The following RALYL variants were observed in gnomAD, a reference collection of about 807,000 sequenced individuals.
RALYL encodes RALY RNA binding protein like, also known as RNA-binding Raly-like protein.
RALYL carries 29 observed loss-of-function variants against 35.1 expected under a neutral mutation model. The observed-to-expected ratio is 0.83, with a 90% CI of 0.61 to 1.13. RALYL has a LOEUF of 1.13. Ranked by LOEUF, RALYL falls within the 50% of genes most tolerant of loss-of-function variation. The probability of loss-of-function intolerance (pLI) is 0.00; values close to 1 mark genes in which losing one functional copy is unlikely to be tolerated. For missense variants in RALYL, 359 were observed against 360.4 expected (o/e 1.00, Z 0.03); for synonymous variants, 120 against 127.6 (o/e 0.94, Z 0.40).
At chr8:84,379,167 G>T (rs1857469562) in intron 1 of RALYL, among the ~76,000 whole-genome samples, 2 of 151,892 alleles carry the variant, frequency 1.3e-5, no homozygotes, top group South Asian at 4.1e-4. Context: ...GTCTCCAAGG[G>T]TTATAATTAT....
intron 3 of RALYL, among the ~76,000 whole-genome samples, chr8:84,795,028 A>AAACTT (rs889857348): frequency 3.9e-5 from 6 of 152,204 alleles, no homozygotes; most frequent in African/African-American, 1.4e-4. Context: ...ACTGCAAATG[A>AAACTT]AACTTACCAA....
intron 1 of RALYL, among the ~76,000 whole-genome samples, chr8:84,511,411 T>C (rs2057608397): frequency 6.6e-6 from 1 of 152,202 alleles, no homozygotes; most frequent in Non-Finnish European, 1.5e-5. Context: ...GTTAGAATTC[T>C]CTTATTTTTT....
chr8:84,621,558 G>A (rs7460323), intron 2 of RALYL, among the ~76,000 whole-genome samples: 10 of 151,944 alleles, frequency 6.6e-5, no homozygotes, highest in Admixed American at 1.3e-4. Flanking sequence ...ACCTGTCTTC[G>A]GCGTCGCTCA....
intron 1 of RALYL, among the ~76,000 whole-genome samples, chr8:84,377,451 G>GTTTTTTTT (rs369746268): frequency 1.1e-4 from 9 of 83,722 alleles, no homozygotes; most frequent in Admixed American, 1.4e-4. Flanking sequence ...AAGGTTAACT[G>GTTTTTTTT]TTTTTTTTTT....
chr8:84,296,920 C>T (rs907683167), intron 1 of RALYL, among the ~76,000 whole-genome samples: 7 of 151,466 alleles, frequency 4.6e-5, no homozygotes, highest in Middle Eastern at 3.4e-3. Flanking sequence ...GGTAAATGTA[C>T]GTATGAGAGA....
At chr8:84,791,687 G>C (rs1449136584) in intron 3 of RALYL, among the ~76,000 whole-genome samples, 1 of 152,146 alleles carries the variant, frequency 6.6e-6, no homozygotes, top group Non-Finnish European at 1.5e-5. Context: ...TTTGAAAGTA[G>C]TGCCAACAAG....
intron 2 of RALYL, among the ~76,000 whole-genome samples, chr8:84,619,660 C>G (rs995034951): frequency 6.7e-6 from 1 of 149,936 alleles, no homozygotes; most frequent in Non-Finnish European, 1.5e-5. Context: ...TTATTTTGCT[C>G]GTTAGTTGAT....
At chr8:84,655,549 A>G (rs1213843568) in intron 2 of RALYL, among the ~76,000 whole-genome samples, 2 of 152,120 alleles carry the variant, frequency 1.3e-5, no homozygotes, top group Admixed American at 1.3e-4. Context: ...GGCTGGTCTC[A>G]AACTCCTGAC....
chr8:84,730,595 G>T (rs1041448332), intron 2 of RALYL, among the ~76,000 whole-genome samples: 4 of 152,180 alleles, frequency 2.6e-5, no homozygotes, highest in African/African-American at 9.6e-5. Flanking sequence ...AAGTCAAATT[G>T]TCCCTGTTGG....
At chr8:84,561,800 G>A (rs984498286) in intron 2 of RALYL, among the ~76,000 whole-genome samples, 2 of 151,878 alleles carry the variant, frequency 1.3e-5, no homozygotes, top group African/African-American at 4.8e-5. Flanking sequence ...AATGGAGTGG[G>A]ACCCTGTGAG....
intron 1 of RALYL, among the ~76,000 whole-genome samples, chr8:84,190,712 G>A (rs1406286838): frequency 6.6e-6 from 1 of 152,166 alleles, no homozygotes; most frequent in Non-Finnish European, 1.5e-5. Flanking sequence ...TTGAAGTTCT[G>A]ACATTAACTT....
chr8:84,577,453 G>A (rs1809739073), intron 2 of RALYL, among the ~76,000 whole-genome samples: 1 of 152,182 alleles, frequency 6.6e-6, no homozygotes. Flanking sequence ...TGTGCTCAGA[G>A]CATTCATGGG....
intron 2 of RALYL, among the ~76,000 whole-genome samples, chr8:84,584,780 G>C (rs1019280616): frequency 2.6e-5 from 4 of 152,120 alleles, no homozygotes; most frequent in Non-Finnish European, 4.4e-5. Context: ...TTGTGTTAAA[G>C]ATGTGGGATC....
At chr8:84,459,466 G>T (rs138067372) in intron 1 of RALYL, among the ~76,000 whole-genome samples, 2 of 151,876 alleles carry the variant, frequency 1.3e-5, no homozygotes, top group East Asian at 3.9e-4. Context: ...AGGCAACTGG[G>T]TTTAAATCAT....
chr8:84,540,335 G>A (rs896779945), intron 2 of RALYL, among the ~76,000 whole-genome samples: 1 of 151,772 alleles, frequency 6.6e-6, no homozygotes, highest in Non-Finnish European at 1.5e-5. Context: ...GTGTGTGTGT[G>A]TGTATGTGTA....
At chr8:84,715,722 C>T (rs899863213) in intron 2 of RALYL, among the ~76,000 whole-genome samples, 2 of 152,032 alleles carry the variant, frequency 1.3e-5, no homozygotes, top group Middle Eastern at 3.2e-3. Context: ...TGATCTAGAA[C>T]AGCTAAGTTG....
At chr8:84,239,662 G>T (rs748359586) in intron 1 of RALYL, among the ~76,000 whole-genome samples, 2 of 152,048 alleles carry the variant, frequency 1.3e-5, no homozygotes, top group Admixed American at 1.3e-4. Context: ...AGGCTGAGGC[G>T]GGCAGGTCAT....
chr8:84,531,241 A>G (rs2059258603), intron 2 of RALYL, among the ~76,000 whole-genome samples: 1 of 152,188 alleles, frequency 6.6e-6, no homozygotes, highest in East Asian at 1.9e-4. Context: ...GAATATTGTG[A>G]ATATTATCAA....
At chr8:84,552,525 A>G (rs1390782342) in intron 2 of RALYL, among the ~76,000 whole-genome samples, 5 of 151,446 alleles carry the variant, frequency 3.3e-5, no homozygotes, top group Non-Finnish European at 4.4e-5. Flanking sequence ...AACCTGCCCA[A>G]TTTTACAGAG....
Sources: allele counts gnomAD v4.1 joint callset (sites outside exome capture counted in the v4.1 genomes callset), GRCh38; gene constraint gnomAD v4.1.1; transcripts MANE v1.5; gene names NCBI Gene and HGNC (gene_info 2026-07-23, HGNC 2026-07-21).